HDAC9: variants seen among roughly 807,000 people sequenced by gnomAD.
The protein encoded by HDAC9 is MEF-2 interacting transcription repressor (MITR) protein.
A neutral mutation model predicts 139.4 loss-of-function variants in HDAC9; 41 were observed. The observed-to-expected ratio is 0.29, with a 90% CI of 0.23 to 0.38. HDAC9 has a LOEUF of 0.38. Among genes scored for constraint, HDAC9 ranks in the 10% least tolerant of loss-of-function variants. The pLI, the probability that HDAC9 is intolerant of heterozygous loss-of-function variation, is 1.00. For missense variants in HDAC9, 1,147 were observed against 1,297.0 expected, an observed-to-expected ratio of 0.88 and a Z score of 1.78; for synonymous variants, 517 against 476.2, an observed-to-expected ratio of 1.09 and a Z score of -1.12.
chr7:18,824,047 A>AGAGGAGGAAGAAGAAGAG (rs763792667), intron 17 of HDAC9, among the ~76,000 whole-genome samples: 1 of 133,362 alleles, frequency 7.5e-6, no homozygotes, highest in Non-Finnish European at 1.6e-5. Flanking sequence ...AGGAAGAGGA[A>AGAGGAGGAAGAAGAAGAG]GAAGAAGAAG....
At chr7:18,931,473 C>T (rs937949855) in intron 22 of HDAC9, among the ~76,000 whole-genome samples, 7 of 152,004 alleles carry the variant, frequency 4.6e-5, no homozygotes, top group Admixed American at 6.6e-5. Flanking sequence ...AATTTTAAAA[C>T]GTGATAATTG....
At chr7:18,661,410 A>C (rs1449595226) in intron 11 of HDAC9, among the ~76,000 whole-genome samples, 2 of 152,070 alleles carry the variant, frequency 1.3e-5, no homozygotes, top group African/African-American at 4.8e-5. Flanking sequence ...TAACTATGCA[A>C]GTTTGGAGCT....
At chr7:18,884,849 A>G (rs530679606) in intron 22 of HDAC9, among the ~76,000 whole-genome samples, 4 of 152,222 alleles carry the variant, frequency 2.6e-5, no homozygotes, top group African/African-American at 9.6e-5. Context: ...CTGTTTCTCA[A>G]TACACATGCA....
chr7:18,167,210 C>A (rs929407006), intron 2 of HDAC9, among the ~76,000 whole-genome samples: 20 of 144,754 alleles, frequency 1.4e-4, no homozygotes, highest in African/African-American at 5.1e-4. Flanking sequence ...TTTTTTTTTA[C>A]TACTTTAACT....
At chr7:18,403,559 A>G (rs778405832) in intron 1 of HDAC9, among the ~76,000 whole-genome samples, 5 of 152,192 alleles carry the variant, frequency 3.3e-5, no homozygotes, top group Admixed American at 1.3e-4. Context: ...TAATTTCTCC[A>G]TGTATATTTG....
chr7:18,281,767 C>A (rs986473108), intron 2 of HDAC9, among the ~76,000 whole-genome samples: 9 of 152,166 alleles, frequency 5.9e-5, no homozygotes, highest in Non-Finnish European at 1.5e-5. Flanking sequence ...AACAAATGTT[C>A]AGAAAATAAC....
rs116101901 is a variant in HDAC9 at position 18,473,924 on chromosome 7, G to C, written c.-41-22338G>C. The stretch of plus-strand genomic sequence containing the variant: ...ATGCTATAAAAAGACTCTTGTATGA[G>C]TTAATGGTGTTCCACACACATCACT... On this transcript the variant is annotated intron_variant, in intron 1 of 3. Transcript: ENST00000413509. 6.3e-3 allele frequency among the ~76,000 whole-genome samples: 959 copies of C among 152,302 alleles called. 10 individuals are homozygous for C. Among genetic ancestry groups the C allele is most frequent in the African/African-American group, 0.022 (918 of 41,562 alleles).
At chr7:18,554,558 A>C (rs967983434) in intron 2 of HDAC9, among the ~76,000 whole-genome samples, 1 of 152,012 alleles carries the variant, frequency 6.6e-6, no homozygotes, top group Admixed American at 6.5e-5. Flanking sequence ...GATGGTCTCT[A>C]TCTCCTAACC....
At chr7:18,893,163 A>G (rs1238102412) in intron 22 of HDAC9, among the ~76,000 whole-genome samples, 1 of 151,890 alleles carries the variant, frequency 6.6e-6, no homozygotes, top group Admixed American at 6.6e-5. Flanking sequence ...CGTTCTTTTC[A>G]TATTGATGGT....
intron 22 of HDAC9, among the ~76,000 whole-genome samples, chr7:18,921,277 C>A (rs1803695187): frequency 6.6e-6 from 1 of 152,086 alleles, no homozygotes; most frequent in Non-Finnish European, 1.5e-5. Context: ...AACGAAACCA[C>A]CATCAGAGTG....
chr7:18,843,626 C>T (rs1408262805), intron 21 of HDAC9, among the ~76,000 whole-genome samples: 1 of 151,858 alleles, frequency 6.6e-6, no homozygotes, highest in Non-Finnish European at 1.5e-5. Flanking sequence ...AGCTGTTTTT[C>T]AACCAAATTT....
At chr7:18,581,642 A>G (rs187235302) in intron 2 of HDAC9, among the ~76,000 whole-genome samples, 2 of 152,208 alleles carry the variant, frequency 1.3e-5, no homozygotes, top group Admixed American at 6.5e-5. Flanking sequence ...ATTTCCATGT[A>G]AAAGCTGAAG....
chr7:18,223,272 C>G (rs1792827348), intron 2 of HDAC9, among the ~76,000 whole-genome samples: 1 of 151,988 alleles, frequency 6.6e-6, no homozygotes, highest in Non-Finnish European at 1.5e-5. Flanking sequence ...TCTTTTACCT[C>G]TTATGATGAT....
intron 14 of HDAC9, among the ~76,000 whole-genome samples, chr7:18,755,244 T>C (rs1788776715): frequency 6.6e-6 from 1 of 152,160 alleles, no homozygotes; most frequent in Non-Finnish European, 1.5e-5. Flanking sequence ...CAGATAAATA[T>C]ACCAAAACTA....
chr7:18,287,784 C>T (rs940326463), upstream of HDAC9, among the ~76,000 whole-genome samples: 1 of 152,172 alleles, frequency 6.6e-6, no homozygotes, highest in African/African-American at 2.4e-5. Context: ...CTGTACTGGC[C>T]CCTAAGGGAA....
intron 1 of HDAC9, among the ~76,000 whole-genome samples, chr7:18,439,766 C>T: frequency 6.6e-6 from 1 of 152,166 alleles, no homozygotes; most frequent in Non-Finnish European, 1.5e-5. Flanking sequence ...AAACTTTAAT[C>T]TCTTTCTCGC....
intron 1 of HDAC9, among the ~76,000 whole-genome samples, chr7:18,295,995 A>G (rs1798119132): frequency 6.6e-6 from 1 of 152,140 alleles, no homozygotes; most frequent in African/African-American, 2.4e-5. Flanking sequence ...CTTCACTAGA[A>G]TTTTTCTGCA....
chr7:18,504,764 G>T (rs1464914614), intron 2 of HDAC9, among the ~76,000 whole-genome samples: 5 of 152,184 alleles, frequency 3.3e-5, no homozygotes, highest in African/African-American at 4.8e-5. Context: ...AGTAGTTGTT[G>T]CAGCAATATT....
chr7:18,955,649 A>G (rs934155246), intron 24 of HDAC9, among the ~76,000 whole-genome samples: 1 of 152,108 alleles, frequency 6.6e-6, no homozygotes, highest in Non-Finnish European at 1.5e-5. Flanking sequence ...TGCATCAAGG[A>G]GCTAACAGTC....
Sources: gnomAD v4.1 joint callset for allele counts (sites outside exome capture counted in the v4.1 genomes callset) on GRCh38, gnomAD v4.1.1 for gene constraint, MANE v1.5 for transcripts, NCBI Gene and HGNC (gene_info 2026-07-23, HGNC 2026-07-21) for gene names.